ROBO2: variants seen among roughly 807,000 people sequenced by gnomAD.
ROBO2 encodes roundabout homolog 2.
In ROBO2, 53 loss-of-function variants were observed where a neutral mutation model predicts 160.8. The observed-to-expected ratio is 0.33, with a 90% CI of 0.26 to 0.41. The LOEUF (loss-of-function observed/expected upper bound fraction) is 0.41, where lower values mean the gene tolerates loss of function less well. ROBO2 is among the 10% of genes least tolerant of loss of function. The pLI is 1.00. For synonymous variants in ROBO2, 664 were observed against 611.7 expected (o/e 1.09, Z -1.26); for missense variants, 1,577 against 1,722.4 (o/e 0.92, Z 1.49).
chr3:76,254,982 T>C (rs1483724844), intron 2 of ROBO2, among the ~76,000 whole-genome samples: 2 of 152,068 alleles, frequency 1.3e-5, no homozygotes, highest in Non-Finnish European at 2.9e-5. Context: ...GAGAACTTGG[T>C]AATTGATGAA....
chr3:75,955,776 G>A (rs1405489760), intron 2 of ROBO2, among the ~76,000 whole-genome samples: 1 of 151,660 alleles, frequency 6.6e-6, no homozygotes, highest in Non-Finnish European at 1.5e-5. Flanking sequence ...ATGTCGTGGT[G>A]TGGGAGATAT....
At chr3:77,501,559 C>A (rs934485717) in intron 5 of ROBO2, among the ~76,000 whole-genome samples, 2 of 152,168 alleles carry the variant, frequency 1.3e-5, no homozygotes, top group African/African-American at 4.8e-5. Flanking sequence ...TTAAGCAATT[C>A]ATGTAACATG....
intron 2 of ROBO2, among the ~76,000 whole-genome samples, chr3:76,318,716 G>A (rs2072257016): frequency 6.6e-6 from 1 of 152,046 alleles, no homozygotes; most frequent in Non-Finnish European, 1.5e-5. Context: ...GCTAATATTA[G>A]GTCTTAGTCC....
chr3:76,835,328 AAGGG>A (rs1311893485), intron 2 of ROBO2, among the ~76,000 whole-genome samples: 3 of 149,836 alleles, frequency 2.0e-5, no homozygotes, highest in Non-Finnish European at 4.4e-5. Flanking sequence ...TTTTAAAATA[AAGGG>A]AAACCTCTGT....
intron 2 of ROBO2, among the ~76,000 whole-genome samples, chr3:76,332,836 A>T (rs1165557158): frequency 6.6e-6 from 1 of 152,244 alleles, no homozygotes; most frequent in Non-Finnish European, 1.5e-5. Flanking sequence ...TATCAAAGTA[A>T]GTTATGTAAT....
intron 2 of ROBO2, among the ~76,000 whole-genome samples, chr3:77,277,433 T>C (rs569915499): frequency 1.3e-5 from 2 of 152,100 alleles, no homozygotes; most frequent in African/African-American, 4.8e-5. Flanking sequence ...TTAGCTATTC[T>C]TCCAGATGAT....
At chr3:77,480,263 C>G (rs1236027364) in intron 3 of ROBO2, among the ~76,000 whole-genome samples, 1 of 150,754 alleles carries the variant, frequency 6.6e-6, no homozygotes, top group Non-Finnish European at 1.5e-5. Flanking sequence ...TTCAAGAACA[C>G]TCAATCATTG....
intron 2 of ROBO2, among the ~76,000 whole-genome samples, chr3:76,843,505 A>G (rs1026899122): frequency 6.6e-6 from 1 of 152,048 alleles, no homozygotes; most frequent in African/African-American, 2.4e-5. Context: ...TTACCTACTT[A>G]TAGAAGAAGA....
chr3:76,702,393 T>C (rs1044255232), intron 2 of ROBO2, among the ~76,000 whole-genome samples: 4 of 152,036 alleles, frequency 2.6e-5, no homozygotes, highest in African/African-American at 9.7e-5. Context: ...TTAATGCACA[T>C]AATTCCAGTG....
At chr3:76,053,357 G>A (rs972843369) in intron 2 of ROBO2, among the ~76,000 whole-genome samples, 1 of 152,038 alleles carries the variant, frequency 6.6e-6, no homozygotes, top group African/African-American at 2.4e-5. Context: ...CTTAAAGTCT[G>A]AGACTATTTT....
At chr3:76,033,597 G>C (rs551569776) in intron 2 of ROBO2, among the ~76,000 whole-genome samples, 30 of 152,312 alleles carry the variant, frequency 2.0e-4, no homozygotes, top group African/African-American at 7.0e-4. Context: ...TTTATATGTT[G>C]CTATGTAATA....
chr3:76,419,888 A>G (rs1577072793), intron 2 of ROBO2, among the ~76,000 whole-genome samples: 1 of 152,164 alleles, frequency 6.6e-6, no homozygotes, highest in Admixed American at 6.5e-5. Context: ...TGTTTTAGTA[A>G]TAGTGATATA....
At chr3:76,033,424 C>T (rs547483081) in intron 2 of ROBO2, among the ~76,000 whole-genome samples, 10 of 152,074 alleles carry the variant, frequency 6.6e-5, no homozygotes, top group Non-Finnish European at 1.5e-4. Context: ...CCTGTGTGTC[C>T]TGCTGTGCAT....
chr3:76,271,746 C>T (rs1449356442), intron 2 of ROBO2, among the ~76,000 whole-genome samples: 1 of 151,814 alleles, frequency 6.6e-6, no homozygotes, highest in Non-Finnish European at 1.5e-5. Context: ...TCTCCCTTTT[C>T]ATCCTTCTCT....
chr3:76,087,822 T>C (rs143581909), intron 2 of ROBO2, among the ~76,000 whole-genome samples: 1 of 152,154 alleles, frequency 6.6e-6, no homozygotes, highest in African/African-American at 2.4e-5. Flanking sequence ...AGTAAAGCAT[T>C]GTTTTAAAGT....
chr3:77,414,508 C>T (rs1196492122), intron 2 of ROBO2, among the ~76,000 whole-genome samples: 1 of 152,156 alleles, frequency 6.6e-6, no homozygotes, highest in Non-Finnish European at 1.5e-5. Context: ...TTGTGGGAAT[C>T]ATCTAGTTAA....
Position 77,240,643 on chromosome 3 carries a change from C to T in ROBO2, c.388+142303C>T, listed in dbSNP as rs189554606. Among the ~76,000 whole-genome samples, 364 of 152,300 alleles carry T rather than the reference C, an allele frequency of 2.4e-3. 3 individuals carry two copies. The highest frequency in any genetic ancestry group is 8.4e-3 in the African/African-American group (349 of 41,576). ...ACCAGCACGTTGTCACCTCTCACCT[C>T]GAATACTGTATTTTTGACCCACTGT... On this transcript the variant is annotated intron_variant, in intron 2 of 25. Coordinates refer to ENST00000461745, the Ensembl canonical transcript of ROBO2.
chr3:76,942,353 C>T (rs567157732), intron 2 of ROBO2, among the ~76,000 whole-genome samples: 6 of 152,170 alleles, frequency 3.9e-5, no homozygotes, highest in Non-Finnish European at 5.9e-5. Context: ...GTAGAACATG[C>T]GAATCTAACA....
At chr3:76,346,773 G>T (rs1386094805) in intron 2 of ROBO2, among the ~76,000 whole-genome samples, 1 of 152,128 alleles carries the variant, frequency 6.6e-6, no homozygotes. Flanking sequence ...AAAAATATGA[G>T]CTTTCTCCCA....
Sources: allele counts gnomAD v4.1 joint callset (sites outside exome capture counted in the v4.1 genomes callset), GRCh38; gene constraint gnomAD v4.1.1; transcripts MANE v1.5; gene names NCBI Gene and HGNC (gene_info 2026-07-23, HGNC 2026-07-21).